Variants in VWA3B observed in about 807,000 individuals in gnomAD.
VWA3B encodes von Willebrand factor A domain containing 3B.
A neutral mutation model predicts 158.3 loss-of-function variants in VWA3B; 138 were observed. That is an observed-to-expected ratio of 0.87 (90% confidence interval 0.76 to 1.00). VWA3B has a LOEUF of 1.00. Among genes scored for constraint, VWA3B ranks in the 50% least tolerant of loss-of-function variants. The pLI, the probability that VWA3B is intolerant of heterozygous loss-of-function variation, is 0.00. For synonymous variants in VWA3B, 596 were observed against 587.3 expected (o/e 1.01, Z -0.21); for missense variants, 1,555 against 1,565.1 (o/e 0.99, Z 0.11).
At chr2:98,278,658 C>T (rs1194646922) in intron 22 of VWA3B, among the ~76,000 whole-genome samples, 1 of 152,172 alleles carries the variant, frequency 6.6e-6, no homozygotes, top group Non-Finnish European at 1.5e-5. Context: ...TGAAGTCAAG[C>T]TGCTTCTCAA....
intron 16 of VWA3B, among the ~76,000 whole-genome samples, chr2:98,230,982 AT>A (rs1490333440): frequency 1.3e-5 from 2 of 152,236 alleles, no homozygotes; most frequent in Non-Finnish European, 2.9e-5. Context: ...AACCAATTGC[AT>A]TTTGATATAC....
chr2:98,229,057 C>T (rs1685145597), intron 15 of VWA3B: 1 of 152,042 alleles, frequency 6.6e-6, no homozygotes, highest in Non-Finnish European at 1.5e-5. Flanking sequence ...GCAAATTAAG[C>T]ATTTGTATGG....
At chr2:98,259,747 C>G (rs1344586028) in intron 21 of VWA3B, among the ~76,000 whole-genome samples, 1 of 151,380 alleles carries the variant, frequency 6.6e-6, no homozygotes, top group African/African-American at 2.4e-5. Context: ...TATAAGTGCT[C>G]TCCTCTTTAT....
chr2:98,157,800 G>A (rs1278039032), intron 7 of VWA3B, among the ~76,000 whole-genome samples: 1 of 148,866 alleles, frequency 6.7e-6, no homozygotes, highest in Admixed American at 6.7e-5. Flanking sequence ...ATGAGCCACA[G>A]TAGGACCGAG....
chr2:98,137,414 A>T lies in VWA3B; in HGVS notation c.988+3475A>T, dbSNP rs184608950. Among the ~76,000 whole-genome samples, 318 of 152,268 alleles carry T rather than the reference A, an allele frequency of 2.1e-3. 2 individuals carry two copies. The highest frequency in any genetic ancestry group is 6.9e-3 in the African/African-American group (287 of 41,552). ...GATTCATTATTTTGAGCATCTTTTC[A>T]TGTGCTTGTTGAAATTTTGACATAA... On this transcript the variant is annotated intron_variant, in intron 7 of 27. Coordinates refer to ENST00000477737, the MANE Select transcript of VWA3B (RefSeq NM_144992.5).
intron 19 of VWA3B, among the ~76,000 whole-genome samples, chr2:98,241,992 C>A (rs1298165275): frequency 1.3e-5 from 2 of 152,136 alleles, no homozygotes; most frequent in East Asian, 3.9e-4. Flanking sequence ...ATATCTCCCA[C>A]CTCATGGGAT....
chr2:98,204,693 C>G lies in VWA3B; in HGVS notation c.1738-7237C>G, dbSNP rs997436135. On this transcript the variant is annotated intron_variant, in intron 12 of 27. Coordinates refer to ENST00000477737, the MANE Select transcript of VWA3B (RefSeq NM_144992.5). ...CTTTTTGTGTGTGTGCTGTCTTTGT[C>G]TGCTTTGCGTATCAGTGTAATACTG... is the stretch of plus-strand genomic sequence containing the variant. 1.8e-4 allele frequency among the ~76,000 whole-genome samples: 28 copies of G among 152,316 alleles called. 1 individual carries two copies. The highest frequency in any genetic ancestry group is 6.7e-4 in the African/African-American group (28 of 41,568).
In VWA3B at chr2:98,236,628, G is replaced by A. The variant is rs1239277423; in HGVS notation, c.2571G>A (p.Lys857=). Residue 857 remains lysine, a synonymous_variant, in exon 19 of 28, where the codon AAG becomes AAA. Coordinates refer to ENST00000477737, the MANE Select transcript of VWA3B (RefSeq NM_144992.5). ...TGAAGACCTATGGCTTGGTCGCCAA[G>A]AAACTCACCCTCATGGATGCCTTGT... ...NWLKTYGLVA[K]KLTLMDALSV... is the part of the protein sequence containing the mutation. The A allele has an allele frequency of 6.2e-6, 10 of 1,614,114 alleles. No homozygotes were observed.
intron 23 of VWA3B, 101 bp from the exon 24 acceptor site, chr2:98,297,806 G>A (rs1184135232): frequency 1.5e-6 from 2 of 1,345,302 alleles, no homozygotes; most frequent in East Asian, 2.8e-5. Flanking sequence ...GATTTAAACA[G>A]GCAAAGTGTT....
In VWA3B at chr2:98,197,928, G is replaced by C. The variant is rs188810352; in HGVS notation, c.1737+3436G>C. 1.6e-3 allele frequency among the ~76,000 whole-genome samples: 242 copies of C among 152,078 alleles called. 1 individual carries two copies. The highest frequency in any genetic ancestry group is 5.5e-3 in the African/African-American group (230 of 41,500). ...ATCTGGACACCTGGTTGTGGTTATTGCTACCGGATTGTATCACTGCTTTTA... is the reference window on the plus strand; with the variant it reads ...ATCTGGACACCTGGTTGTGGTTATTCCTACCGGATTGTATCACTGCTTTTA... On this transcript the variant is annotated intron_variant, in intron 12 of 27. Coordinates refer to ENST00000477737, the MANE Select transcript of VWA3B (RefSeq NM_144992.5).
intron 20 of VWA3B, among the ~76,000 whole-genome samples, chr2:98,255,182 A>ATTTTTTTT (rs769708577): frequency 7.7e-5 from 4 of 52,164 alleles, no homozygotes; most frequent in African/African-American, 2.8e-4. Flanking sequence ...CCCGGCTGAT[A>ATTTTTTTT]TTTTTTTTTT....
the VWA3B span, among the ~76,000 whole-genome samples, chr2:98,324,963 A>C: frequency 1.3e-5 from 2 of 152,152 alleles, no homozygotes; most frequent in African/African-American, 2.4e-5. Flanking sequence ...ATGACAGAGG[A>C]GTCAGTGGCT....
At chr2:98,306,834 ACT>A (rs1450734847) in intron 26 of VWA3B, among the ~76,000 whole-genome samples, 1 of 151,604 alleles carries the variant, frequency 6.6e-6, no homozygotes, top group Admixed American at 6.6e-5. Context: ...GTCTTCATTG[ACT>A]CTCGAGTCCC....
In VWA3B at chr2:98,274,566, G is replaced by A. The variant is rs117332004; in HGVS notation, c.3045+3683G>A. ...CTCAGGCAGGGATGTGGGGAAGAAC[G>A]CGGAGTGTTCCCTGGGGAACGTGGC... On this transcript the variant is annotated intron_variant, in intron 22 of 27. Transcript: ENST00000477737. Among the ~76,000 whole-genome samples the A allele has an allele frequency of 7.0e-3, 1,071 of 152,274 alleles. 43 individuals are homozygous for A. Among genetic ancestry groups the A allele is most frequent in the Admixed American group, 0.052 (795 of 15,304 alleles).
At chr2:98,277,254 T>A (rs1025254686) in intron 22 of VWA3B, among the ~76,000 whole-genome samples, 2 of 152,112 alleles carry the variant, frequency 1.3e-5, no homozygotes, top group Middle Eastern at 6.8e-3. Flanking sequence ...CTTTGAAAAC[T>A]CCCCTCCCTA....
chr2:98,294,745 T>C (rs17500559), intron 23 of VWA3B, among the ~76,000 whole-genome samples: 5,935 of 152,296 alleles, frequency 0.039, 169 homozygotes, highest in Middle Eastern at 0.075. Flanking sequence ...GGGGACAAAA[T>C]GGAACACTTT....
At chr2:98,264,586 T>G (rs899619784) in intron 21 of VWA3B, among the ~76,000 whole-genome samples, 1 of 152,164 alleles carries the variant, frequency 6.6e-6, no homozygotes, top group Non-Finnish European at 1.5e-5. Flanking sequence ...AAAAATACTT[T>G]GCTTTCAACT....
At chr2:98,270,426 C>T (rs1688125553) in intron 21 of VWA3B, among the ~76,000 whole-genome samples, 1 of 152,132 alleles carries the variant, frequency 6.6e-6, no homozygotes, top group Admixed American at 6.6e-5. Flanking sequence ...ATCAGATAAC[C>T]TAATGAGGTA....
chr2:98,202,407 G>A (rs1337499325), intron 12 of VWA3B, among the ~76,000 whole-genome samples: 1 of 151,870 alleles, frequency 6.6e-6, no homozygotes, highest in African/African-American at 2.4e-5. Flanking sequence ...AGTTTGAAGA[G>A]CTTTTTTTAT....
Sources: gnomAD v4.1 joint callset for allele counts (sites outside exome capture counted in the v4.1 genomes callset) on GRCh38, gnomAD v4.1.1 for gene constraint, MANE v1.5 for transcripts, NCBI Gene and HGNC (gene_info 2026-07-23, HGNC 2026-07-21) for gene names.